CDKAL1: variants seen among roughly 807,000 people sequenced by gnomAD.
The protein encoded by CDKAL1 is threonylcarbamoyladenosine tRNA methylthiotransferase.
Under a neutral mutation model 68.2 loss-of-function variants are expected in CDKAL1, and 32 were observed. That is an observed-to-expected ratio of 0.47 (90% CI 0.35 to 0.63). CDKAL1 has a LOEUF of 0.63. Among genes scored for constraint, CDKAL1 ranks in the 30% least tolerant of loss-of-function variants. CDKAL1 has a pLI of 0.00. For synonymous variants in CDKAL1, 234 were observed against 244.3 expected, an observed-to-expected ratio of 0.96 and a Z score of 0.39; for missense variants, 606 against 696.7, an observed-to-expected ratio of 0.87 and a Z score of 1.47.
At chr6:20,957,417 G>C (rs190562571) in intron 10 of CDKAL1, among the ~76,000 whole-genome samples, 1 of 152,276 alleles carries the variant, frequency 6.6e-6, no homozygotes, top group East Asian at 1.9e-4. Context: ...CTTGGGGAGC[G>C]TCTAAAAATC....
chr6:20,815,411 A>G (rs560446095), intron 8 of CDKAL1, among the ~76,000 whole-genome samples: 1 of 152,204 alleles, frequency 6.6e-6, no homozygotes, highest in East Asian at 1.9e-4. Context: ...TTCTGGGTTC[A>G]GTTTTGGTAA....
At chr6:20,862,668 CGT>C (rs1759705003) in intron 9 of CDKAL1, among the ~76,000 whole-genome samples, 1 of 148,574 alleles carries the variant, frequency 6.7e-6, no homozygotes, top group African/African-American at 2.6e-5. Flanking sequence ...TGTGTGCGCG[CGT>C]GCATGCGCGC....
intron 15 of CDKAL1, among the ~76,000 whole-genome samples, chr6:21,203,291 G>A (rs1778767257): frequency 7.7e-6 from 1 of 129,160 alleles, no homozygotes; most frequent in South Asian, 2.6e-4. Flanking sequence ...CTGGAGTGCA[G>A]TGGCATGCAG....
chr6:20,578,849 CA>C (rs1255729374), intron 4 of CDKAL1, among the ~76,000 whole-genome samples: 3 of 152,172 alleles, frequency 2.0e-5, no homozygotes, highest in African/African-American at 7.2e-5. Flanking sequence ...AAGTACTAAG[CA>C]TTGTTTATGG....
chr6:20,908,148 G>A lies in CDKAL1; in HGVS notation c.743-47271G>A, dbSNP rs578130421. The stretch of plus-strand genomic sequence containing the variant: ...TGGGCACAGAACAAACTACCGCAAT[G>A]TGGAATCTAAATAAATCATATAGGC... On this transcript the variant is annotated intron_variant, in intron 9 of 15. Coordinates refer to ENST00000274695, the MANE Select transcript of CDKAL1 (RefSeq NM_017774.3). 6.0e-4 allele frequency among the ~76,000 whole-genome samples: 91 copies of A among 152,310 alleles called. 1 individual carries two copies. The highest frequency in any genetic ancestry group is 2.9e-3 in the South Asian group (14 of 4,816).
intron 12 of CDKAL1, among the ~76,000 whole-genome samples, chr6:21,089,407 G>A (rs1222116004): frequency 6.6e-6 from 1 of 152,142 alleles, no homozygotes; most frequent in Non-Finnish European, 1.5e-5. Context: ...AGCCTAGGAG[G>A]CAGAGGCTGC....
chr6:20,890,286 T>A (rs1158510638), intron 9 of CDKAL1, among the ~76,000 whole-genome samples: 2 of 152,212 alleles, frequency 1.3e-5, no homozygotes, highest in East Asian at 3.8e-4. Flanking sequence ...TTCTTATTGC[T>A]TAATTATCAA....
At position 21,065,155 on chromosome 6, in the gene CDKAL1, G is replaced by A. The variant is rs1562001666; in HGVS notation, c.1163G>A (p.Ser388Asn). 1 of 1,608,930 alleles carries A rather than the reference G, an allele frequency of 6.2e-7. No individual in the cohort carries two copies. The highest frequency in any genetic ancestry group is 1.7e-5 in the Admixed American group (1 of 59,298). Residue 388 changes from serine (S) to asparagine (N), a missense_variant, in exon 12 of 16, where the codon AGC becomes AAC. Ser to Asn is a conservative substitution (Grantham distance 46, BLOSUM62 1). Coordinates refer to ENST00000274695, the MANE Select transcript of CDKAL1 (RefSeq NM_017774.3). ...CTTGTTGAAGAGTACAAATTCCCAA[G>A]CCTGTTTATTAACCAATTTTACCCA... Reference protein sequence around the residue: ...VKLVEEYKFPSLFINQFYPRP... With the variant: ...VKLVEEYKFPNLFINQFYPRP...
chr6:20,590,788 G>T (rs561569140), intron 4 of CDKAL1, among the ~76,000 whole-genome samples: 1 of 152,162 alleles, frequency 6.6e-6, no homozygotes, highest in South Asian at 2.1e-4. Flanking sequence ...CCTAGTTTTT[G>T]CTATTGTGAA....
chr6:20,803,565 T>A (rs1776453564), intron 8 of CDKAL1, among the ~76,000 whole-genome samples: 1 of 152,166 alleles, frequency 6.6e-6, no homozygotes. Flanking sequence ...TAGTAAAGTG[T>A]TCATGGTAAC....
chr6:20,973,906 G>C (rs1765717838), intron 10 of CDKAL1, among the ~76,000 whole-genome samples: 1 of 152,058 alleles, frequency 6.6e-6, no homozygotes, highest in Non-Finnish European at 1.5e-5. Context: ...TGCCTGGCCT[G>C]GGTCATCATT....
intron 4 of CDKAL1, chr6:20,559,075 T>C (rs1442074074): frequency 6.6e-6 from 1 of 152,472 alleles, no homozygotes; most frequent in Non-Finnish European, 1.5e-5. Context: ...TTTTCCATCT[T>C]GGCCCAGTAA....
At chr6:20,827,605 C>T (rs1192272919) in intron 8 of CDKAL1, among the ~76,000 whole-genome samples, 1 of 151,696 alleles carries the variant, frequency 6.6e-6, no homozygotes, top group African/African-American at 2.4e-5. Context: ...ATGTTTTAGA[C>T]ATAAAAAAAA....
intron 2 of CDKAL1, among the ~76,000 whole-genome samples, chr6:20,543,551 C>T (rs183943725): frequency 2.6e-5 from 4 of 152,042 alleles, no homozygotes; most frequent in African/African-American, 9.7e-5. Context: ...GACTTTTCAG[C>T]CTCTTAATAG....
At chr6:20,848,770 G>A (rs1486352397) in intron 9 of CDKAL1, among the ~76,000 whole-genome samples, 1 of 150,968 alleles carries the variant, frequency 6.6e-6, no homozygotes, top group Non-Finnish European at 1.5e-5. Context: ...AGGAAATGTG[G>A]TTGTTTTTTT....
intron 9 of CDKAL1, among the ~76,000 whole-genome samples, chr6:20,893,864 G>A (rs909875256): frequency 1.3e-5 from 2 of 152,104 alleles, no homozygotes; most frequent in African/African-American, 2.4e-5. Flanking sequence ...TGATGATGAT[G>A]ATCATGAGTA....
chr6:20,866,191 A>G (rs905543524), intron 9 of CDKAL1, among the ~76,000 whole-genome samples: 4 of 152,188 alleles, frequency 2.6e-5, no homozygotes, highest in African/African-American at 9.6e-5. Flanking sequence ...GAACCCAAAC[A>G]GCAGGGTTTC....
At chr6:20,980,369 C>T (rs573081365) in intron 10 of CDKAL1, among the ~76,000 whole-genome samples, 1 of 152,194 alleles carries the variant, frequency 6.6e-6, no homozygotes, top group South Asian at 2.1e-4. Flanking sequence ...TCCAGAGTAG[C>T]TGAGACTACA....
At chr6:20,688,090 T>G (rs1339709259) in intron 5 of CDKAL1, among the ~76,000 whole-genome samples, 2 of 152,162 alleles carry the variant, frequency 1.3e-5, no homozygotes, top group African/African-American at 4.8e-5. Context: ...AATGTAATTC[T>G]TATCTTTGCT....
Sources: allele counts gnomAD v4.1 joint callset (sites outside exome capture counted in the v4.1 genomes callset), GRCh38; gene constraint gnomAD v4.1.1; transcripts MANE v1.5; gene names NCBI Gene and HGNC (gene_info 2026-07-23, HGNC 2026-07-21).